The following MARCHF1 variants were observed in gnomAD, a reference collection of about 807,000 sequenced individuals.
MARCHF1 encodes the protein E3 ubiquitin-protein ligase MARCHF1.
MARCHF1 carries 40 observed loss-of-function variants against 54.2 expected under a neutral mutation model. The ratio of observed to expected loss-of-function variants is 0.74; its 90% CI spans 0.57 to 0.96. MARCHF1 has a LOEUF of 0.96. Ranked by LOEUF, MARCHF1 falls within the 40% of genes least tolerant of loss-of-function variation. The pLI is 0.00. For missense variants in MARCHF1, 586 were observed against 656.5 expected (o/e 0.89, Z 1.17); for synonymous variants, 236 against 236.3 (o/e 1.00, Z 0.01).
At chr4:164,092,217 T>A (rs938472934) in intron 2 of MARCHF1, among the ~76,000 whole-genome samples, 1 of 152,108 alleles carries the variant, frequency 6.6e-6, no homozygotes, top group Non-Finnish European at 1.5e-5. Context: ...GTCCCTTCCA[T>A]CATGATGTGA....
chr4:163,895,516 C>G (rs1750786360), intron 3 of MARCHF1, among the ~76,000 whole-genome samples: 2 of 152,142 alleles, frequency 1.3e-5, no homozygotes, highest in Non-Finnish European at 2.9e-5. Context: ...GAGCATATTT[C>G]TCCACAGTTA....
chr4:163,733,245 G>GTATATATATATATATACACACA (rs1745928072), intron 4 of MARCHF1, among the ~76,000 whole-genome samples: 1 of 21,496 alleles, frequency 4.7e-5, no homozygotes, highest in African/African-American at 1.3e-4. Flanking sequence ...ATATATACAC[G>GTATATATATATATATACACACA]TGTATATATA....
chr4:164,113,881 C>T (rs1755886218), intron 1 of MARCHF1, among the ~76,000 whole-genome samples: 1 of 147,464 alleles, frequency 6.8e-6, no homozygotes, highest in African/African-American at 2.5e-5. Context: ...CAGGGTGACC[C>T]ACTCATTTTA....
chr4:163,738,036 T>C (rs958531853), intron 4 of MARCHF1, among the ~76,000 whole-genome samples: 15 of 152,188 alleles, frequency 9.9e-5, no homozygotes, highest in Admixed American at 6.5e-5. Context: ...GTGGTCTGGA[T>C]GTTGGATGCG....
At chr4:163,722,882 T>A (rs1014851817) in intron 4 of MARCHF1, among the ~76,000 whole-genome samples, 6 of 152,200 alleles carry the variant, frequency 3.9e-5, no homozygotes, top group African/African-American at 1.4e-4. Context: ...GCTTGGTAGA[T>A]CTTCCTCCAT....
chr4:164,224,373 A>C (rs1386115034), intron 1 of MARCHF1, among the ~76,000 whole-genome samples: 1 of 151,870 alleles, frequency 6.6e-6, no homozygotes, highest in Non-Finnish European at 1.5e-5. Context: ...CTGACATCAA[A>C]ATGGAGTTTT....
At chr4:164,238,641 A>T (rs1356056678) in intron 1 of MARCHF1, among the ~76,000 whole-genome samples, 2 of 151,650 alleles carry the variant, frequency 1.3e-5, no homozygotes, top group Admixed American at 1.3e-4. Context: ...AGATATTTGT[A>T]TAGTAGCTAT....
chr4:163,809,609 C>T (rs528197673), intron 4 of MARCHF1, among the ~76,000 whole-genome samples: 5 of 152,190 alleles, frequency 3.3e-5, no homozygotes, highest in African/African-American at 1.2e-4. Flanking sequence ...CTGCATGAGG[C>T]AAATAGTATC....
intron 3 of MARCHF1, among the ~76,000 whole-genome samples, chr4:163,930,043 T>C (rs1751637814): frequency 1.4e-5 from 2 of 141,378 alleles, no homozygotes; most frequent in Non-Finnish European, 3.0e-5. Context: ...ATAGCTAATT[T>C]GTTGTCTCAG....
At chr4:164,296,327 T>C (rs1734410731) in intron 1 of MARCHF1, among the ~76,000 whole-genome samples, 2 of 152,196 alleles carry the variant, frequency 1.3e-5, no homozygotes, top group Non-Finnish European at 2.9e-5. Flanking sequence ...AAATATTCCA[T>C]TGACAATCAA....
At chr4:163,616,703 A>T (rs1252994358) in intron 5 of MARCHF1, among the ~76,000 whole-genome samples, 1 of 151,048 alleles carries the variant, frequency 6.6e-6, no homozygotes, top group Admixed American at 6.7e-5. Flanking sequence ...ACATAGTGAG[A>T]CCCCTGTCTC....
chr4:163,976,188 A>G (rs1258348914), intron 3 of MARCHF1, among the ~76,000 whole-genome samples: 1 of 152,182 alleles, frequency 6.6e-6, no homozygotes, highest in Non-Finnish European at 1.5e-5. Flanking sequence ...TTCTTTTTGA[A>G]CAGGAGAAGC....
At chr4:163,976,806 G>A (rs576518870) in intron 3 of MARCHF1, among the ~76,000 whole-genome samples, 4 of 152,190 alleles carry the variant, frequency 2.6e-5, no homozygotes, top group Non-Finnish European at 4.4e-5. Context: ...CTCAAATCAC[G>A]TGTCTGACAT....
intron 1 of MARCHF1, among the ~76,000 whole-genome samples, chr4:164,129,172 A>G (rs373952146): frequency 4.6e-5 from 7 of 152,196 alleles, no homozygotes; most frequent in South Asian, 2.1e-4. Flanking sequence ...TTCATCTAGA[A>G]CTGTGGATTT....
chr4:164,360,138 T>C (rs1323019319), intron 1 of MARCHF1, among the ~76,000 whole-genome samples: 3 of 152,084 alleles, frequency 2.0e-5, no homozygotes, highest in East Asian at 3.9e-4. Flanking sequence ...CACAAAAATT[T>C]TGTGACCCAG....
chr4:164,233,053 AG>A (rs1732456897), intron 1 of MARCHF1, among the ~76,000 whole-genome samples: 1 of 152,194 alleles, frequency 6.6e-6, no homozygotes, highest in Non-Finnish European at 1.5e-5. Context: ...AAGTAATTTC[AG>A]TGCCATACAA....
At chr4:164,288,701 A>G (rs755605699) in intron 1 of MARCHF1, among the ~76,000 whole-genome samples, 1 of 152,100 alleles carries the variant, frequency 6.6e-6, no homozygotes, top group Non-Finnish European at 1.5e-5. Context: ...ATGGTTATAT[A>G]TTATTATGTA....
chr4:163,857,579 A>G, intron 3 of MARCHF1, among the ~76,000 whole-genome samples: 1 of 152,224 alleles, frequency 6.6e-6, no homozygotes. Flanking sequence ...AGCAACTTAT[A>G]TAATGATCAC....
At chr4:163,568,786 C>T (rs1739735086) in intron 8 of MARCHF1, among the ~76,000 whole-genome samples, 1 of 152,122 alleles carries the variant, frequency 6.6e-6, no homozygotes, top group South Asian at 2.1e-4. Context: ...GTGGCTGTCA[C>T]AGGGAGCAGT....
Sources: allele counts gnomAD v4.1 joint callset (sites outside exome capture counted in the v4.1 genomes callset), GRCh38; gene constraint gnomAD v4.1.1; transcripts MANE v1.5; gene names NCBI Gene and HGNC (gene_info 2026-07-23, HGNC 2026-07-21).